NBAS: variants seen among roughly 807,000 people sequenced by gnomAD.
NBAS encodes NAG/BC035112 fusion.
A neutral mutation model predicts 302.5 loss-of-function variants in NBAS; 219 were observed. The ratio of observed to expected loss-of-function variants is 0.72; its 90% confidence interval spans 0.65 to 0.81. NBAS has a LOEUF of 0.81. Ranked by LOEUF, NBAS falls within the 30% of genes least tolerant of loss-of-function variation. The pLI is 0.00. For missense variants in NBAS, 2,932 were observed against 2,841.6 expected (o/e 1.03, Z -0.72); for synonymous variants, 1,118 against 1,021.6 (o/e 1.09, Z -1.80).
chr2:15,543,798 G>A (rs1017084893), intron 6 of NBAS, among the ~76,000 whole-genome samples: 5 of 152,208 alleles, frequency 3.3e-5, no homozygotes, highest in Admixed American at 1.3e-4. Context: ...AAATCAAGAT[G>A]AGATTTGGGT....
the NBAS span, among the ~76,000 whole-genome samples, chr2:14,947,797 C>A: frequency 6.6e-6 from 1 of 151,680 alleles, no homozygotes; most frequent in Non-Finnish European, 1.5e-5. Context: ...TCTTTTATAA[C>A]CAGTTTCATG....
At chr2:14,945,148 T>C in the NBAS span, among the ~76,000 whole-genome samples, 1 of 152,098 alleles carries the variant, frequency 6.6e-6, no homozygotes, top group Non-Finnish European at 1.5e-5. Flanking sequence ...CCTAGCCAAG[T>C]TTCCAGCAGT....
At chr2:15,309,712 C>A (rs1014581833) in intron 38 of NBAS, among the ~76,000 whole-genome samples, 1 of 152,084 alleles carries the variant, frequency 6.6e-6, no homozygotes, top group African/African-American at 2.4e-5. Flanking sequence ...GATTTTGTTC[C>A]TTCCAATAAC....
chr2:14,932,703 C>T, the NBAS span, among the ~76,000 whole-genome samples: 382 of 152,302 alleles, frequency 2.5e-3, 1 homozygote, highest in Non-Finnish European at 4.6e-3. Context: ...TGCAGGAACA[C>T]CTGGTACTTT....
intron 11 of NBAS, among the ~76,000 whole-genome samples, chr2:15,492,453 C>CTTTA (rs150021327): frequency 0.052 from 7,902 of 151,924 alleles, 652 homozygotes; most frequent in African/African-American, 0.17. Context: ...TTGTAGAAAC[C>CTTTA]TTTATGTATT....
downstream of NBAS, among the ~76,000 whole-genome samples, chr2:15,165,287 A>G (rs1318296363): frequency 7.2e-5 from 11 of 152,300 alleles, no homozygotes; most frequent in East Asian, 2.1e-3. Context: ...TCAGAGCTCT[A>G]GGAAGCTTTT....
intron 10 of NBAS, among the ~76,000 whole-genome samples, chr2:15,508,702 T>C (rs1230559449): frequency 6.6e-6 from 1 of 152,090 alleles, no homozygotes; most frequent in Admixed American, 6.5e-5. Flanking sequence ...CTGAATCATC[T>C]GAAAGCAAGG....
the NBAS span, among the ~76,000 whole-genome samples, chr2:14,957,877 C>A: frequency 6.6e-6 from 1 of 152,164 alleles, no homozygotes; most frequent in Admixed American, 6.5e-5. Flanking sequence ...CCACTGTGAG[C>A]ACCTTGAAGC....
the NBAS span, among the ~76,000 whole-genome samples, chr2:14,998,942 A>G: frequency 6.6e-6 from 1 of 152,146 alleles, no homozygotes. Context: ...CAATCATCGA[A>G]TTAGTCCTAA....
intron 44 of NBAS, among the ~76,000 whole-genome samples, chr2:15,250,118 T>C (rs575882921): frequency 9.2e-4 from 140 of 152,200 alleles, no homozygotes; most frequent in South Asian, 8.3e-4. Context: ...AACAGAGATA[T>C]AGACCAATGG....
At chr2:15,407,818 T>C (rs1676491660) in intron 25 of NBAS, among the ~76,000 whole-genome samples, 1 of 152,216 alleles carries the variant, frequency 6.6e-6, no homozygotes. Context: ...CTTACAGTTC[T>C]GTAGGTCAGA....
At chr2:15,268,630 G>C (rs569439764) in intron 44 of NBAS, among the ~76,000 whole-genome samples, 1 of 152,308 alleles carries the variant, frequency 6.6e-6, no homozygotes, top group African/African-American at 2.4e-5. Context: ...ATAGGAGGCA[G>C]ACCTTCTGAC....
At chr2:15,398,601 AATTAG>A (rs1171676166) in intron 26 of NBAS, among the ~76,000 whole-genome samples, 1 of 97,948 alleles carries the variant, frequency 1.0e-5, no homozygotes, top group Non-Finnish European at 2.5e-5. Context: ...ACAAAAATTT[AATTAG>A]ATTAAATGAG....
chr2:15,119,303 C>CCTTTTT, the NBAS span, among the ~76,000 whole-genome samples: 1 of 107,768 alleles, frequency 9.3e-6, no homozygotes, highest in African/African-American at 3.3e-5. Flanking sequence ...GAAATCCTTT[C>CCTTTTT]TTTTTTTTTT....
At chr2:15,290,208 T>A (rs1670246799) in intron 41 of NBAS, among the ~76,000 whole-genome samples, 1 of 151,924 alleles carries the variant, frequency 6.6e-6, no homozygotes, top group African/African-American at 2.4e-5. Context: ...AAGGTGATGC[T>A]GCAAACGGAA....
the NBAS span, among the ~76,000 whole-genome samples, chr2:15,068,000 A>T: frequency 2.0e-5 from 3 of 152,340 alleles, no homozygotes; most frequent in South Asian, 6.2e-4. Context: ...TTAGCCTCTA[A>T]GTTTTAGAGT....
intron 28 of NBAS, among the ~76,000 whole-genome samples, chr2:15,388,617 AGT>A (rs1675430186): frequency 6.6e-6 from 1 of 152,190 alleles, no homozygotes; most frequent in Non-Finnish European, 1.5e-5. Context: ...ATGACTCAGC[AGT>A]TCCACTCCTA....
intron 21 of NBAS, among the ~76,000 whole-genome samples, chr2:15,449,434 A>G (rs552615550): frequency 6.6e-6 from 1 of 152,054 alleles, no homozygotes; most frequent in East Asian, 1.9e-4. Flanking sequence ...AAAAGAGGAA[A>G]TGGGTTAATT....
At position 15,286,353 on chromosome 2, in the gene NBAS, T is replaced by A. The variant is rs546831113; in HGVS notation, c.5138+720A>T. Among the ~76,000 whole-genome samples the A allele has an allele frequency of 6.6e-5, 10 of 152,340 alleles. No individual in the cohort carries two copies. The South Asian group carries it at 2.1e-3, about 32-fold the overall frequency. On this transcript the variant is annotated intron_variant, in intron 42 of 51. Coordinates refer to ENST00000281513, the MANE Select transcript of NBAS (RefSeq NM_015909.4). ...AAAATGCAAAGCTGGTCATATTATG[T>A]CCTTGTTCACCAGAATCCTTAACTA...
Sources: allele counts gnomAD v4.1 joint callset (sites outside exome capture counted in the v4.1 genomes callset), GRCh38; gene constraint gnomAD v4.1.1; transcripts MANE v1.5; gene names NCBI Gene and HGNC (gene_info 2026-07-23, HGNC 2026-07-21).